Variants in ADARB2 observed in about 807,000 individuals in gnomAD.
The protein encoded by ADARB2 is inactive double-stranded RNA-specific editase B2.
A neutral mutation model predicts 62.2 loss-of-function variants in ADARB2; 25 were observed. That is an observed-to-expected ratio of 0.40 (90% CI 0.29 to 0.56). ADARB2 has a LOEUF of 0.56. ADARB2 is among the 20% of genes least tolerant of loss of function. The pLI is 0.43. For synonymous variants in ADARB2, 572 were observed against 500.8 expected (o/e 1.14, Z -1.90); for missense variants, 1,071 against 1,077.4 (o/e 0.99, Z 0.08).
At chr10:1,643,865 G>A (rs964296342) in intron 1 of ADARB2, among the ~76,000 whole-genome samples, 10 of 152,132 alleles carry the variant, frequency 6.6e-5, no homozygotes, top group African/African-American at 1.9e-4. Context: ...ACAGTGACAA[G>A]GTGCCTGGTG....
At chr10:1,462,747 G>A (rs1831193766) in intron 1 of ADARB2, among the ~76,000 whole-genome samples, 1 of 152,020 alleles carries the variant, frequency 6.6e-6, no homozygotes, top group Admixed American at 6.5e-5. Context: ...GTGCCTGTGT[G>A]TATGTATGCA....
chr10:1,525,900 A>G (rs569660382), intron 1 of ADARB2, among the ~76,000 whole-genome samples: 101 of 149,372 alleles, frequency 6.8e-4, no homozygotes, highest in African/African-American at 2.5e-3. Flanking sequence ...CATGTGTGTG[A>G]GCGTGTATGC....
rs182976694 is a variant in ADARB2, at chr10:1,511,693, G to A, written c.101-132533C>T. On this transcript the variant is annotated intron_variant, in intron 1 of 9. Coordinates refer to ENST00000381312, the MANE Select transcript of ADARB2 (RefSeq NM_018702.4). ...TGTCTACACTGGACACCAAGACGTC[G>A]ATACTGTCCACACTAGATACCAAGA... Among the ~76,000 whole-genome samples, 53 of 151,084 alleles carry A rather than the reference G, an allele frequency of 3.5e-4. No individual in the cohort carries two copies. In the East Asian group the frequency reaches 7.4e-3, roughly 21 times the overall value.
chr10:1,649,557 G>A (rs1298603286), intron 1 of ADARB2, among the ~76,000 whole-genome samples: 2 of 152,184 alleles, frequency 1.3e-5, no homozygotes, highest in Non-Finnish European at 2.9e-5. Flanking sequence ...CAAGGTATGG[G>A]TGTCTCAAAT....
chr10:1,494,403 G>A (rs1831662946), intron 1 of ADARB2, among the ~76,000 whole-genome samples: 1 of 152,148 alleles, frequency 6.6e-6, no homozygotes, highest in African/African-American at 2.4e-5. Context: ...TGGAAATGGT[G>A]TACTTGTTGG....
At chr10:1,656,399 C>A (rs1400247784) in intron 1 of ADARB2, among the ~76,000 whole-genome samples, 1 of 152,162 alleles carries the variant, frequency 6.6e-6, no homozygotes, top group Non-Finnish European at 1.5e-5. Flanking sequence ...AGCCCAAAGA[C>A]AAATACTTCT....
intron 6 of ADARB2, among the ~76,000 whole-genome samples, chr10:1,222,799 T>C (rs1285140778): frequency 6.7e-6 from 1 of 150,052 alleles, no homozygotes; most frequent in Non-Finnish European, 1.5e-5. Context: ...ACCAGTACCA[T>C]GCTGTTTTGG....
rs940872219 is a variant in ADARB2, at chr10:1,641,475, G to A, written c.100+95576C>T. On this transcript the variant is annotated intron_variant, in intron 1 of 9. Coordinates refer to ENST00000381312, the MANE Select transcript of ADARB2 (RefSeq NM_018702.4). ...ATTTTTTGAAGGAAATAAAAGGTCT[G>A]TATTTATTTCTAGAACACAGAAGCT... Among the ~76,000 whole-genome samples the A allele has an allele frequency of 2.6e-5, 4 of 152,216 alleles. No individual in the cohort carries two copies. The East Asian group carries it at 7.7e-4, about 29-fold the overall frequency.
chr10:1,234,927 T>C (rs1830850344), intron 5 of ADARB2, among the ~76,000 whole-genome samples: 1 of 152,044 alleles, frequency 6.6e-6, no homozygotes, highest in Non-Finnish European at 1.5e-5. Flanking sequence ...TTTTGTATTT[T>C]TAGTAGAGAT....
chr10:1,471,118 T>G (rs954320277), intron 1 of ADARB2, among the ~76,000 whole-genome samples: 2 of 152,130 alleles, frequency 1.3e-5, no homozygotes, highest in Non-Finnish European at 2.9e-5. Context: ...GGCAACCTAC[T>G]GGAATGATCC....
In ADARB2 at chr10:1,275,876, T is replaced by C. The variant is rs1831311735; in HGVS notation, c.1078-4807A>G. Among the ~76,000 whole-genome samples the C allele has an allele frequency of 2.0e-5, 3 of 152,184 alleles. No homozygotes were observed. The South Asian group carries it at 6.2e-4, about 32-fold the overall frequency. On this transcript the variant is annotated intron_variant, in intron 3 of 9. Transcript: ENST00000381312. ...GCTGCATAGTATTCCATGGTGTATA[T>C]GTGCCACATTTTCTTAATCCAGTCT...
chr10:1,379,256 A>G, intron 1 of ADARB2, 96 bp from the exon 2 acceptor site: 1 of 973,792 alleles, frequency 1.0e-6, no homozygotes, highest in East Asian at 2.5e-5. Flanking sequence ...TGGACAAGGG[A>G]GGTGGAGAGG....
chr10:1,628,937 T>C (rs916701442), intron 1 of ADARB2, among the ~76,000 whole-genome samples: 3 of 152,244 alleles, frequency 2.0e-5, no homozygotes, highest in African/African-American at 7.2e-5. Flanking sequence ...AAGATCGGTC[T>C]GTGCTTCTTC....
At chr10:1,668,265 AT>A (rs1834337889) in intron 1 of ADARB2, among the ~76,000 whole-genome samples, 1 of 152,046 alleles carries the variant, frequency 6.6e-6, no homozygotes, top group Admixed American at 6.6e-5. Context: ...GTGTCATACA[AT>A]TTTTCTTTTG....
chr10:1,665,272 A>G (rs899516298), intron 1 of ADARB2, among the ~76,000 whole-genome samples: 10 of 152,262 alleles, frequency 6.6e-5, no homozygotes, highest in African/African-American at 2.4e-4. Flanking sequence ...AACAATTAAT[A>G]TAAAAGCTTC....
At chr10:1,544,520 C>T (rs773747174) in intron 1 of ADARB2, among the ~76,000 whole-genome samples, 22 of 152,114 alleles carry the variant, frequency 1.4e-4, no homozygotes, top group Non-Finnish European at 1.0e-4. Context: ...AGAGTCGTCA[C>T]GGCAGGGTCT....
intron 1 of ADARB2, among the ~76,000 whole-genome samples, chr10:1,631,592 T>G (rs1412779324): frequency 6.6e-6 from 1 of 152,168 alleles, no homozygotes; most frequent in Non-Finnish European, 1.5e-5. Flanking sequence ...CCTTTGAACG[T>G]CAGTTACAGT....
chr10:1,533,184 T>A (rs540628680), intron 1 of ADARB2, among the ~76,000 whole-genome samples: 52 of 151,438 alleles, frequency 3.4e-4, no homozygotes, highest in Non-Finnish European at 7.1e-4. Flanking sequence ...AGTGGGGTGA[T>A]CTCGGCTCAC....
intron 1 of ADARB2, among the ~76,000 whole-genome samples, chr10:1,618,743 T>C (rs1457774152): frequency 1.3e-5 from 2 of 152,148 alleles, no homozygotes; most frequent in East Asian, 3.8e-4. Context: ...TAATCGACAG[T>C]TTCTCAATGA....
Sources: gnomAD v4.1 joint callset for allele counts (sites outside exome capture counted in the v4.1 genomes callset) on GRCh38, gnomAD v4.1.1 for gene constraint, MANE v1.5 for transcripts, NCBI Gene and HGNC (gene_info 2026-07-23, HGNC 2026-07-21) for gene names.